GNB5: variants seen among roughly 807,000 people sequenced by gnomAD.
GNB5 encodes G protein subunit beta 5, also known as guanine nucleotide-binding protein subunit beta-5.
In GNB5, 37 loss-of-function variants were observed where a neutral mutation model predicts 55.3. That is an observed-to-expected ratio of 0.67 (90% CI 0.51 to 0.88). GNB5 has a LOEUF of 0.88. Ranked by LOEUF, GNB5 falls within the 40% of genes least tolerant of loss-of-function variation. The pLI is 0.00. For missense variants in GNB5, 476 were observed against 515.3 expected, an observed-to-expected ratio of 0.92 and a Z score of 0.74; for synonymous variants, 219 against 198.5, an observed-to-expected ratio of 1.10 and a Z score of -0.87.
In GNB5 at chr15:52,141,203, CTT is replaced by C. The variant is rs1490615364; in HGVS notation, c.562_563del (p.Lys188GlufsTer19). 3.1e-6 allele frequency: 5 copies of C among 1,614,044 alleles called. No individual in the cohort carries two copies. Among genetic ancestry groups the C allele is most frequent in the Non-Finnish European group, 4.2e-6 (5 of 1,179,930 alleles). On this transcript the variant is annotated frameshift_variant, in exon 7 of 13. Transcript: ENST00000261837. LOFTEE classifies it high-confidence loss of function. Reference protein sequence around the residue: ...FDKNENMAAKKKSVAMHTNYL... With the variant: ...FDKNENMAAKXKSVAMHTNYL... ...AGTTGGTGTGCATAGCAACAGACTT[CTT>C]TTTGGCAGCCATGTTTTCATTTTTG...
At chr15:52,130,707 C>T (rs2033552667) in intron 9 of GNB5, among the ~76,000 whole-genome samples, 1 of 152,154 alleles carries the variant, frequency 6.6e-6, no homozygotes, top group South Asian at 2.1e-4. Context: ...CTAACTCAGC[C>T]CTGGAAACCA....
At chr15:52,129,453 T>C (rs2033519852) in intron 9 of GNB5, among the ~76,000 whole-genome samples, 1 of 152,234 alleles carries the variant, frequency 6.6e-6, no homozygotes. Flanking sequence ...ATTGAAAAGC[T>C]GGATGACAGA....
rs57732678 is a variant in GNB5, at chr15:52,135,852, A to AACAC, written c.628-100_628-97dup. 0.053 allele frequency: 29,118 copies of AACAC among 548,762 alleles called. 486 individuals carry two copies. Among genetic ancestry groups the AACAC allele is most frequent in the African/African-American group, 0.1 (2,940 of 29,336 alleles). The allele number at this position is 548,762 out of a possible 1,614,324, so 34.0% of individuals were successfully genotyped here. On this transcript the variant is annotated intron_variant, in intron 7 of 12. Transcript: ENST00000261837. ...CTTAACGTTCCGCAGGGAAAAGCAG[A>AACAC]ACACACACACACACACACACACACA...
At chr15:52,166,543 C>T (rs2034455385) in intron 3 of GNB5, among the ~76,000 whole-genome samples, 1 of 152,168 alleles carries the variant, frequency 6.6e-6, no homozygotes. Flanking sequence ...TTCAAAACCA[C>T]ACGACTACAT....
intron 3 of GNB5, among the ~76,000 whole-genome samples, chr15:52,159,185 G>A (rs373057356): frequency 6.6e-6 from 1 of 152,122 alleles, no homozygotes; most frequent in Non-Finnish European, 1.5e-5. Context: ...AAGTAATGGC[G>A]CTGTACACCC....
At chr15:52,130,206 C>T (rs1248138761) in intron 9 of GNB5, among the ~76,000 whole-genome samples, 1 of 152,196 alleles carries the variant, frequency 6.6e-6, no homozygotes, top group Non-Finnish European at 1.5e-5. Flanking sequence ...GTGATTTGGG[C>T]TTCTCTCATA....
chr15:52,158,255 T>C (rs1339374400), intron 3 of GNB5, among the ~76,000 whole-genome samples: 5 of 152,250 alleles, frequency 3.3e-5, no homozygotes, highest in East Asian at 1.9e-4. Context: ...GAGCAAATCA[T>C]GTACTTTCTC....
At chr15:52,146,700 G>A (rs1018306057) in intron 6 of GNB5, among the ~76,000 whole-genome samples, 2 of 151,408 alleles carry the variant, frequency 1.3e-5, no homozygotes, top group Non-Finnish European at 2.9e-5. Context: ...GAATAGCTGG[G>A]TCTACAGTTG....
intron 3 of GNB5, chr15:52,162,611 A>G (rs369755041): frequency 7.2e-5 from 11 of 152,202 alleles, no homozygotes; most frequent in African/African-American, 2.7e-4. Flanking sequence ...GCACTAATAT[A>G]TACAGTCTTT....
At chr15:52,184,499 T>A in intron 2 of GNB5, 52 bp downstream of exon 2, 2 of 1,537,114 alleles carry the variant, frequency 1.3e-6, no homozygotes, top group Middle Eastern at 1.7e-4. Context: ...CACAGGACCC[T>A]CGCTTGACTG....
chr15:52,117,102 A>ATATATTTTTTTTTT lies in GNB5; in HGVS notation c.*5654_*5655insAAAAAAAAAATATA. On this transcript the variant is annotated 3_prime_UTR_variant, in exon 13 of 13. Coordinates refer to ENST00000261837, the MANE Select transcript of GNB5 (RefSeq NM_016194.4). ...CCACGCCCAGCTAATATATATATAT[A>ATATATTTTTTTTTT]TTTTTTTTTAGTACAGACAGGGTTT... 3.4e-5 allele frequency: 3 copies of ATATATTTTTTTTTT among 87,096 alleles called. No individual in the cohort carries two copies. The highest frequency in any genetic ancestry group is 1.8e-4 in the African/African-American group (3 of 16,442). The allele number at this position is 87,096 out of a possible 1,614,324, so 5.4% of individuals were successfully genotyped here. A position where few individuals can be genotyped will look rare whatever the true frequency, so the allele number is the denominator to read the frequency against.
intron 6 of GNB5, among the ~76,000 whole-genome samples, chr15:52,143,185 G>T (rs1249058371): frequency 6.6e-6 from 1 of 151,750 alleles, no homozygotes; most frequent in African/African-American, 2.4e-5. Flanking sequence ...AAAACAGAAT[G>T]TGTAGAGAAT....
chr15:52,144,859 C>T (rs2033936616), intron 6 of GNB5, among the ~76,000 whole-genome samples: 2 of 152,158 alleles, frequency 1.3e-5, no homozygotes, highest in Admixed American at 6.5e-5. Flanking sequence ...GAAACAACGC[C>T]GTCAGTGACC....
In GNB5 at chr15:52,145,953, C is replaced by CTTT. The variant is rs937011704; in HGVS notation, c.494+1503_494+1505dup. On this transcript the variant is annotated intron_variant, in intron 6 of 12. Transcript: ENST00000261837. ...GTTCCTCCCAGCCTTTATAATATGACTTTTTTTTTTTTTTTTTTTTTGAGA... is the reference window on the plus strand; with the variant it reads ...GTTCCTCCCAGCCTTTATAATATGACTTTTTTTTTTTTTTTTTTTTTTTTGAGA... Among the ~76,000 whole-genome samples, 43 of 127,540 alleles carry CTTT rather than the reference C, an allele frequency of 3.4e-4. 1 individual carries two copies. The highest frequency in any genetic ancestry group is 6.9e-4 in the African/African-American group (23 of 33,444). The allele number at this position is 127,540 out of a possible 152,430, so 83.7% of individuals were successfully genotyped here.
intron 4 of GNB5, among the ~76,000 whole-genome samples, chr15:52,151,921 C>T (rs1262567740): frequency 1.3e-5 from 2 of 151,706 alleles, no homozygotes; most frequent in Non-Finnish European, 2.9e-5. Context: ...AAGTGAGCTG[C>T]ACTCCAGCCT....
At chr15:52,134,577 A>G (rs76134575) in intron 8 of GNB5, among the ~76,000 whole-genome samples, 10,754 of 152,268 alleles carry the variant, frequency 0.071, 420 homozygotes, top group Middle Eastern at 0.099. Flanking sequence ...GGAGAGATAA[A>G]TACAGTGATA....
At chr15:52,125,750 G>A in intron 11 of GNB5, 198 bp downstream of exon 11, 3 of 559,746 alleles carry the variant, frequency 5.4e-6, no homozygotes, top group Non-Finnish European at 9.5e-6. Flanking sequence ...ATTTCCCCCT[G>A]GAGTGAAGTT....
chr15:52,177,924 T>A (rs1043033755), intron 3 of GNB5, among the ~76,000 whole-genome samples: 1 of 152,170 alleles, frequency 6.6e-6, no homozygotes, highest in Non-Finnish European at 1.5e-5. Flanking sequence ...CCCTAGCTTT[T>A]GAGGGCACCA....
At position 52,116,863 on chromosome 15, in the gene GNB5, T is replaced by G. The variant is rs1010788002; in HGVS notation, c.*5894A>C. ...TGATATTTGTAGCCAAGGATAATTA[T>G]TTCAAAACCATTATGTAATCCTCCT... On this transcript the variant is annotated 3_prime_UTR_variant, in exon 13 of 13. Transcript: ENST00000261837. The G allele has an allele frequency of 6.6e-6, 1 of 152,052 alleles. No individual in the cohort carries two copies. The highest frequency in any genetic ancestry group is 2.4e-5 in the African/African-American group (1 of 41,426). The allele number at this position is 152,052 out of a possible 1,614,324, so 9.4% of individuals were successfully genotyped here.
Sources: gnomAD v4.1 joint callset for allele counts (sites outside exome capture counted in the v4.1 genomes callset) on GRCh38, gnomAD v4.1.1 for gene constraint, MANE v1.5 for transcripts, NCBI Gene and HGNC (gene_info 2026-07-23, HGNC 2026-07-21) for gene names.